Variants in C1orf21 observed in about 807,000 individuals in gnomAD.
C1orf21 encodes chromosome 1 open reading frame 21.
In C1orf21, 3 loss-of-function variants were observed where a neutral mutation model predicts 18.7. The observed-to-expected ratio is 0.16, with a 90% confidence interval of 0.07 to 0.42. The LOEUF (loss-of-function observed/expected upper bound fraction) is 0.42. Among genes scored for constraint, C1orf21 ranks in the 10% least tolerant of loss-of-function variants. The pLI, the probability that C1orf21 is intolerant of heterozygous loss-of-function variation, is 0.99. For missense variants in C1orf21, 104 were observed against 143.6 expected (o/e 0.72, Z 1.41); for synonymous variants, 41 against 46.4 (o/e 0.88, Z 0.47).
At chr1:184,446,275 G>T (rs769691210) in intron 1 of C1orf21, among the ~76,000 whole-genome samples, 18 of 151,734 alleles carry the variant, frequency 1.2e-4, no homozygotes, top group African/African-American at 4.4e-4. Context: ...ATATTTTTCT[G>T]TCTCTCTCCT....
chr1:184,558,405 T>A (rs1571276844), intron 3 of C1orf21, among the ~76,000 whole-genome samples: 1 of 152,330 alleles, frequency 6.6e-6, no homozygotes, highest in South Asian at 2.1e-4. Context: ...TTTAAAAAAA[T>A]TTTCTAGAGT....
Position 184,622,048 on chromosome 1 carries a change from T to A in C1orf21, c.*2492T>A, listed in dbSNP as rs934398614. On this transcript the variant is annotated 3_prime_UTR_variant, in exon 6 of 6. Coordinates refer to ENST00000235307, the MANE Select transcript of C1orf21 (RefSeq NM_030806.4). Reference sequence around the variant, plus strand: ...TCAAGTGATTCGTGTTTGTACTTTATTTTTTTGTGCCTTCTGAAAGGATCT... The same window carrying A: ...TCAAGTGATTCGTGTTTGTACTTTAATTTTTTGTGCCTTCTGAAAGGATCT... The A allele has an allele frequency of 2.6e-5, 4 of 152,232 alleles. No homozygotes were observed. The highest frequency in any genetic ancestry group is 9.6e-5 in the African/African-American group (4 of 41,462). 9.4% of individuals were successfully genotyped at this position (152,232 alleles called of 1,614,324 possible).
chr1:184,513,797 TG>T (rs1458573044), intron 3 of C1orf21, among the ~76,000 whole-genome samples: 1 of 152,244 alleles, frequency 6.6e-6, no homozygotes, highest in Non-Finnish European at 1.5e-5. Context: ...CCAAATGCTT[TG>T]GAAAGTCTTG....
chr1:184,456,189 G>A lies in C1orf21; in HGVS notation c.-124-21197G>A, dbSNP rs112170392. ...CCCAAAACTGTTTCTGCCTATATAA[G>A]TGAAACCTTAGCTTCTCTATTTTGA... On this transcript the variant is annotated intron_variant, in intron 1 of 5. Transcript: ENST00000235307. Among the ~76,000 whole-genome samples the A allele has an allele frequency of 1.1e-3, 167 of 152,306 alleles. 2 individuals carry two copies. Among genetic ancestry groups the A allele is most frequent in the African/African-American group, 3.9e-3 (164 of 41,586 alleles).
chr1:184,522,878 A>G (rs1658323677), intron 3 of C1orf21, among the ~76,000 whole-genome samples: 1 of 152,118 alleles, frequency 6.6e-6, no homozygotes, highest in African/African-American at 2.4e-5. Flanking sequence ...TTGTAGAGAC[A>G]GGGTTTTGCC....
intron 2 of C1orf21, among the ~76,000 whole-genome samples, chr1:184,505,373 T>C (rs1006259450): frequency 6.8e-6 from 1 of 146,224 alleles, no homozygotes. Context: ...GACATGTATA[T>C]ATTCACCTAT....
intron 3 of C1orf21, among the ~76,000 whole-genome samples, chr1:184,553,001 C>A (rs139821935): frequency 6.6e-6 from 1 of 152,150 alleles, no homozygotes; most frequent in Non-Finnish European, 1.5e-5. Flanking sequence ...TTAAGAAGGA[C>A]TCAGAGAATC....
intron 3 of C1orf21, among the ~76,000 whole-genome samples, chr1:184,526,012 A>C (rs1008145607): frequency 6.6e-6 from 1 of 152,186 alleles, no homozygotes; most frequent in African/African-American, 2.4e-5. Context: ...TTAGTTCTTT[A>C]AAAGATACAG....
intron 1 of C1orf21, among the ~76,000 whole-genome samples, chr1:184,390,916 G>GA (rs1485163607): frequency 6.6e-6 from 1 of 152,100 alleles, no homozygotes; most frequent in East Asian, 1.9e-4. Context: ...TTAGAAAACT[G>GA]AAAAAACAGG....
chr1:184,525,307 T>C lies in C1orf21; in HGVS notation c.189+17625T>C, dbSNP rs6688083. On this transcript the variant is annotated intron_variant, in intron 3 of 5. Coordinates refer to ENST00000235307, the MANE Select transcript of C1orf21 (RefSeq NM_030806.4). ...TTTGTCATCGAATTATCATAAAATG[T>C]ATATAGTGTGCTCTTCCTACTATAT... Among the ~76,000 whole-genome samples the C allele has an allele frequency of 9.7e-3, 1,471 of 152,226 alleles. 23 individuals carry two copies. The highest frequency in any genetic ancestry group is 0.034 in the African/African-American group (1,394 of 41,564).
intron 3 of C1orf21, among the ~76,000 whole-genome samples, chr1:184,557,888 T>C (rs1161642314): frequency 2.6e-5 from 4 of 152,202 alleles, no homozygotes; most frequent in African/African-American, 9.7e-5. Context: ...TCATTCTAGA[T>C]AAAATCACTG....
intron 5 of C1orf21, among the ~76,000 whole-genome samples, chr1:184,602,287 C>T (rs936520674): frequency 5.9e-5 from 9 of 152,178 alleles, no homozygotes; most frequent in African/African-American, 1.7e-4. Context: ...GAGGCCACAA[C>T]ACTCTGCTGC....
At chr1:184,596,903 AAAAG>A (rs1236151445) in intron 4 of C1orf21, among the ~76,000 whole-genome samples, 1 of 151,988 alleles carries the variant, frequency 6.6e-6, no homozygotes, top group South Asian at 2.1e-4. Context: ...GAAAGAAAAG[AAAAG>A]AAAGAAGTGT....
intron 1 of C1orf21, among the ~76,000 whole-genome samples, chr1:184,472,568 C>G (rs1219204925): frequency 6.6e-6 from 1 of 151,696 alleles, no homozygotes; most frequent in Non-Finnish European, 1.5e-5. Context: ...TTTCCTGTAG[C>G]CTTTTTTTAA....
intron 1 of C1orf21, among the ~76,000 whole-genome samples, chr1:184,449,183 A>G (rs1440718442): frequency 2.0e-5 from 3 of 151,856 alleles, no homozygotes. Context: ...GTATCTCCTA[A>G]TGCTATCCCT....
intron 5 of C1orf21, among the ~76,000 whole-genome samples, chr1:184,602,174 G>A (rs778828372): frequency 3.3e-5 from 5 of 152,072 alleles, no homozygotes; most frequent in African/African-American, 9.7e-5. Context: ...GTTCTCCTCC[G>A]TGGAACACAA....
intron 1 of C1orf21, among the ~76,000 whole-genome samples, chr1:184,424,854 C>T (rs1656608062): frequency 6.6e-6 from 1 of 152,156 alleles, no homozygotes; most frequent in African/African-American, 2.4e-5. Context: ...TTACCATAAT[C>T]TCCAACTGTA....
At chr1:184,553,851 CATT>C (rs1283835561) in intron 3 of C1orf21, among the ~76,000 whole-genome samples, 1 of 152,188 alleles carries the variant, frequency 6.6e-6, no homozygotes, top group Admixed American at 6.5e-5. Context: ...GGAACAAGGT[CATT>C]GTTGTTATTT....
At chr1:184,602,294 C>T (rs1456594955) in intron 5 of C1orf21, among the ~76,000 whole-genome samples, 3 of 152,206 alleles carry the variant, frequency 2.0e-5, no homozygotes, top group African/African-American at 7.2e-5. Context: ...CAACACTCTG[C>T]TGCGACCGGA....
Sources: allele counts gnomAD v4.1 joint callset (sites outside exome capture counted in the v4.1 genomes callset), GRCh38; gene constraint gnomAD v4.1.1; transcripts MANE v1.5; gene names NCBI Gene and HGNC (gene_info 2026-07-23, HGNC 2026-07-21).